TUSC3: variants seen among roughly 807,000 people sequenced by gnomAD.
The protein encoded by TUSC3 is tumor suppressor candidate 3.
A neutral mutation model predicts 44.8 loss-of-function variants in TUSC3; 45 were observed. The observed-to-expected ratio is 1.00, with a 90% CI of 0.79 to 1.29. The LOEUF (loss-of-function observed/expected upper bound fraction) is 1.29. Ranked by LOEUF, TUSC3 falls within the 50% of genes most tolerant of loss-of-function variation. TUSC3 has a pLI of 0.00. For missense variants in TUSC3, 519 were observed against 437.9 expected (o/e 1.19, Z -1.65); for synonymous variants, 212 against 152.9 (o/e 1.39, Z -2.85).
chr8:15,636,038 G>T (rs1297533151), intron 2 of TUSC3, among the ~76,000 whole-genome samples: 2 of 152,176 alleles, frequency 1.3e-5, no homozygotes, highest in African/African-American at 4.8e-5. Context: ...TAGGCCAGTG[G>T]CAACAGTCAG....
intron 2 of TUSC3, among the ~76,000 whole-genome samples, chr8:15,495,210 G>C (rs1316803161): frequency 6.6e-6 from 1 of 152,098 alleles, no homozygotes; most frequent in Non-Finnish European, 1.5e-5. Context: ...ATAAAGAGTG[G>C]CCTCAATTTT....
chr8:15,549,385 G>A (rs558573424), intron 1 of TUSC3, among the ~76,000 whole-genome samples: 121 of 151,598 alleles, frequency 8.0e-4, no homozygotes, highest in African/African-American at 2.8e-3. Context: ...TGTTGATCAG[G>A]CTGGTCTCAA....
chr8:15,767,781 G>T (rs1020531447), downstream of TUSC3, among the ~76,000 whole-genome samples: 2 of 152,100 alleles, frequency 1.3e-5, no homozygotes, highest in African/African-American at 4.8e-5. Flanking sequence ...GCTGAGAATG[G>T]TTTCTTGAAA....
chr8:15,520,660 T>C (rs1801284746), intron 2 of TUSC3, among the ~76,000 whole-genome samples: 1 of 152,220 alleles, frequency 6.6e-6, no homozygotes, highest in Admixed American at 6.5e-5. Context: ...GATTCACAGG[T>C]TTAACTCCTC....
the TUSC3 span, among the ~76,000 whole-genome samples, chr8:15,822,488 G>C: frequency 6.6e-6 from 1 of 152,134 alleles, no homozygotes; most frequent in African/African-American, 2.4e-5. Context: ...TGATTAATTA[G>C]GTCTTTGGAG....
At chr8:15,584,377 T>TA (rs1803508081) in intron 1 of TUSC3, among the ~76,000 whole-genome samples, 1 of 152,214 alleles carries the variant, frequency 6.6e-6, no homozygotes, top group South Asian at 2.1e-4. Flanking sequence ...GGAATTGTCT[T>TA]ACAATTCTCT....
chr8:15,590,636 T>A (rs1425994217), intron 1 of TUSC3, among the ~76,000 whole-genome samples: 2 of 151,518 alleles, frequency 1.3e-5, no homozygotes, highest in Admixed American at 6.6e-5. Context: ...AAATATTTAT[T>A]TTTATTTATT....
At chr8:15,733,535 T>C in intron 7 of TUSC3, 1 of 246,082 alleles carries the variant, frequency 4.1e-6, no homozygotes, top group South Asian at 4.2e-5. Flanking sequence ...CATGGATCAT[T>C]GACATCAAGC....
the TUSC3 span, among the ~76,000 whole-genome samples, chr8:15,828,289 C>G: frequency 6.6e-6 from 1 of 152,106 alleles, no homozygotes; most frequent in Non-Finnish European, 1.5e-5. Context: ...GCCACCGCAC[C>G]CAGCCAATAT....
At chr8:15,757,999 A>G (rs1013640692) in intron 10 of TUSC3, 144 bp downstream of exon 10, 21 of 1,452,216 alleles carry the variant, frequency 1.4e-5, no homozygotes, top group Admixed American at 5.3e-5. Flanking sequence ...TCCATATTCC[A>G]GTCTTACATT....
chr8:15,666,198 T>A (rs2129181228), intron 5 of TUSC3, among the ~76,000 whole-genome samples: 1 of 151,634 alleles, frequency 6.6e-6, no homozygotes, highest in Non-Finnish European at 1.5e-5. Flanking sequence ...TAGGTGACTG[T>A]CATTTCAAGC....
In TUSC3 at chr8:15,726,852, TAAA is replaced by T. The variant is rs563948785; in HGVS notation, c.799-3810_799-3808del. On this transcript the variant is annotated intron_variant, in intron 6 of 10. Coordinates refer to ENST00000503731, the MANE Select transcript of TUSC3 (RefSeq NM_006765.4). ...AGAAATATTCAATGGATTAGACAAC[TAAA>T]AAACATTTATATTAATGGTTTCTCA... Among the ~76,000 whole-genome samples, 326 of 152,212 alleles carry T rather than the reference TAAA, an allele frequency of 2.1e-3. 3 individuals are homozygous for T. The highest frequency in any genetic ancestry group is 7.3e-3 in the African/African-American group (304 of 41,546).
At chr8:15,734,805 A>C (rs1810864692) in intron 7 of TUSC3, among the ~76,000 whole-genome samples, 1 of 152,210 alleles carries the variant, frequency 6.6e-6, no homozygotes, top group Non-Finnish European at 1.5e-5. Flanking sequence ...TAGAAGATAC[A>C]ACAGGTACAC....
intron 6 of TUSC3, among the ~76,000 whole-genome samples, chr8:15,682,496 G>A (rs1808466960): frequency 6.6e-6 from 1 of 151,870 alleles, no homozygotes; most frequent in Admixed American, 6.6e-5. Context: ...TGCTCTGTTT[G>A]GTTTTTCATT....
intron 6 of TUSC3, among the ~76,000 whole-genome samples, chr8:15,685,629 T>C (rs528184547): frequency 6.6e-6 from 1 of 152,326 alleles, no homozygotes; most frequent in Admixed American, 6.5e-5. Context: ...TATTTATTTC[T>C]ACTACACATT....
intron 2 of TUSC3, among the ~76,000 whole-genome samples, chr8:15,633,351 A>C (rs889761546): frequency 2.0e-5 from 3 of 152,170 alleles, no homozygotes; most frequent in African/African-American, 7.2e-5. Context: ...TTGAGGCTGA[A>C]GTGGTATTAT....
chr8:15,672,285 C>A (rs548045915), intron 5 of TUSC3, among the ~76,000 whole-genome samples: 5 of 151,964 alleles, frequency 3.3e-5, no homozygotes, highest in Non-Finnish European at 7.4e-5. Flanking sequence ...CATGGATTAA[C>A]CTACTTAAAA....
chr8:15,823,489 T>C, the TUSC3 span, among the ~76,000 whole-genome samples: 1 of 152,196 alleles, frequency 6.6e-6, no homozygotes, highest in Non-Finnish European at 1.5e-5. Flanking sequence ...TCCTCCAAGA[T>C]ATTGAAGTCA....
chr8:15,483,847 C>T (rs1489780425), intron 2 of TUSC3, among the ~76,000 whole-genome samples: 2 of 149,504 alleles, frequency 1.3e-5, no homozygotes, highest in Non-Finnish European at 1.5e-5. Context: ...TTAGTAGAGA[C>T]GGGGTTTCAC....
Sources: allele counts gnomAD v4.1 joint callset (sites outside exome capture counted in the v4.1 genomes callset), GRCh38; gene constraint gnomAD v4.1.1; transcripts MANE v1.5; gene names NCBI Gene and HGNC (gene_info 2026-07-23, HGNC 2026-07-21).